PSEN1: variants seen among roughly 807,000 people sequenced by gnomAD.
The protein encoded by PSEN1 is presenilin 1.
In PSEN1, 15 loss-of-function variants were observed where a neutral mutation model predicts 53.5. The ratio of observed to expected loss-of-function variants is 0.28; its 90% confidence interval spans 0.19 to 0.43. PSEN1 has a LOEUF of 0.43. PSEN1 is among the 20% of genes least tolerant of loss of function. The pLI is 1.00. For missense variants in PSEN1, 387 were observed against 571.2 expected (o/e 0.68, Z 3.29); for synonymous variants, 208 against 209.8 (o/e 0.99, Z 0.08).
chr14:73,148,652 G>A (rs1398058281), intron 3 of PSEN1, among the ~76,000 whole-genome samples: 1 of 152,210 alleles, frequency 6.6e-6, no homozygotes, highest in Non-Finnish European at 1.5e-5. Flanking sequence ...GAGAGCAGAG[G>A]CCAGGCACGG....
chr14:73,170,743 C>G (rs1897860616), intron 3 of PSEN1, 54 bp from the exon 4 acceptor site: 1 of 1,601,206 alleles, frequency 6.2e-7, no homozygotes, highest in Non-Finnish European at 8.5e-7. Context: ...CTAACCGTTA[C>G]CTTGATTCTG....
intron 3 of PSEN1, among the ~76,000 whole-genome samples, chr14:73,167,402 G>GT (rs1344428811): frequency 6.6e-6 from 1 of 152,154 alleles, no homozygotes; most frequent in Admixed American, 6.6e-5. Flanking sequence ...TGTTCAACCT[G>GT]TAAGTATAAT....
intron 7 of PSEN1, 175 bp from the exon 8 acceptor site, chr14:73,197,856 T>TCCCC: frequency 1.7e-6 from 1 of 603,050 alleles, no homozygotes. Flanking sequence ...TTATGTTGTC[T>TCCCC]CCCCCACCCC....
intron 1 of PSEN1, chr14:73,138,152 G>A (rs1896800990): frequency 6.6e-6 from 1 of 151,202 alleles, no homozygotes; most frequent in Admixed American, 6.6e-5. Flanking sequence ...AGAACCACAA[G>A]GTGATTATCC....
intron 11 of PSEN1, 71 bp downstream of exon 11, chr14:73,217,315 G>A (rs1899958814): frequency 6.3e-7 from 1 of 1,578,922 alleles, no homozygotes; most frequent in African/African-American, 1.3e-5. Flanking sequence ...TCCCTTTAAG[G>A]CAGTTCTGTT....
At chr14:73,183,042 A>T (rs544213758) in intron 5 of PSEN1, among the ~76,000 whole-genome samples, 58 of 152,256 alleles carry the variant, frequency 3.8e-4, no homozygotes, top group Admixed American at 1.3e-4. Flanking sequence ...GCCAAGACAG[A>T]CAAGTTTTAA....
intron 8 of PSEN1, among the ~76,000 whole-genome samples, chr14:73,199,876 G>T (rs1899108213): frequency 6.6e-6 from 1 of 152,148 alleles, no homozygotes; most frequent in Non-Finnish European, 1.5e-5. Flanking sequence ...CTCCGGAGTG[G>T]CTGGGATTAC....
At chr14:73,136,976 C>T (rs200863524) in intron 1 of PSEN1, 1 of 156,074 alleles carries the variant, frequency 6.4e-6, no homozygotes, top group African/African-American at 2.4e-5. Context: ...CGGGTGTGTC[C>T]TTGTCCAGGG....
intron 8 of PSEN1, among the ~76,000 whole-genome samples, chr14:73,205,324 A>C (rs988595835): frequency 2.0e-5 from 3 of 151,784 alleles, no homozygotes; most frequent in Non-Finnish European, 4.4e-5. Flanking sequence ...AAAAAAATAC[A>C]AAAAATTAGC....
intron 4 of PSEN1, 64 bp from the exon 5 acceptor site, chr14:73,173,502 T>TG: frequency 6.7e-7 from 1 of 1,489,750 alleles, no homozygotes; most frequent in Non-Finnish European, 9.4e-7. Flanking sequence ...GTGTTGGAGG[T>TG]GGTAATGTGG....
At chr14:73,215,885 T>G (rs1594757506) in intron 10 of PSEN1, among the ~76,000 whole-genome samples, 1 of 152,324 alleles carries the variant, frequency 6.6e-6, no homozygotes, top group East Asian at 1.9e-4. Context: ...GGAATGTGAT[T>G]TGGCAGTTTA....
intron 8 of PSEN1, among the ~76,000 whole-genome samples, chr14:73,200,245 T>C (rs1440381822): frequency 6.6e-6 from 1 of 152,232 alleles, no homozygotes; most frequent in Admixed American, 6.5e-5. Context: ...TGGCTTGGTA[T>C]AATCTTTTTC....
At chr14:73,184,784 G>T (rs1898418564) in intron 5 of PSEN1, among the ~76,000 whole-genome samples, 1 of 151,442 alleles carries the variant, frequency 6.6e-6, no homozygotes, top group Non-Finnish European at 1.5e-5. Context: ...TGGCTGCCGG[G>T]CGGAGACGCT....
intron 6 of PSEN1, among the ~76,000 whole-genome samples, chr14:73,189,014 C>T (rs1004547942): frequency 6.6e-6 from 1 of 152,062 alleles, no homozygotes; most frequent in African/African-American, 2.4e-5. Context: ...TGTTCTCAAA[C>T]TCTTGACCTC....
intron 6 of PSEN1, 81 bp from the exon 7 acceptor site, chr14:73,192,563 T>G (rs1347013304): frequency 3.1e-6 from 3 of 967,906 alleles, no homozygotes; most frequent in Admixed American, 3.5e-5. Context: ...ATCTAATGTT[T>G]GGGAGCCATC....
At position 73,221,477 on chromosome 14, in the gene PSEN1, TATGTATTACTG is replaced by T. The variant is rs796521224; in HGVS notation, c.*2191_*2201del. On this transcript the variant is annotated 3_prime_UTR_variant, in exon 12 of 12. Transcript: ENST00000324501. ...GGGGTGTGTGTATTTAAATCCATCC[TATGTATTACTG>T]ATTGTCCTGTGTAGAAAGATGGCAA... The T allele has an allele frequency of 2.8e-4, 43 of 152,358 alleles. 1 individual carries two copies. The highest frequency in any genetic ancestry group is 9.9e-4 in the African/African-American group (41 of 41,584). 9.4% of individuals were successfully genotyped at this position (152,358 alleles called of 1,614,324 possible).
intron 3 of PSEN1, among the ~76,000 whole-genome samples, chr14:73,151,895 T>TATA (rs1491464395): frequency 9.1e-5 from 1 of 10,960 alleles, no homozygotes; most frequent in African/African-American, 6.8e-4. Flanking sequence ...TATATATATA[T>TATA]TTTTTTTTTT....
At chr14:73,217,038 G>T in intron 10 of PSEN1, 88 bp from the exon 11 acceptor site, 1 of 1,339,844 alleles carries the variant, frequency 7.5e-7, no homozygotes. Context: ...ATTCATTGTG[G>T]GGTTGAGTAG....
intron 9 of PSEN1, among the ~76,000 whole-genome samples, chr14:73,210,598 G>A (rs911578801): frequency 1.3e-5 from 2 of 152,148 alleles, no homozygotes; most frequent in African/African-American, 2.4e-5. Context: ...GAGGGAGGGG[G>A]TAGAAAAGGG....
Sources: gnomAD v4.1 joint callset for allele counts (sites outside exome capture counted in the v4.1 genomes callset) on GRCh38, gnomAD v4.1.1 for gene constraint, MANE v1.5 for transcripts, NCBI Gene and HGNC (gene_info 2026-07-23, HGNC 2026-07-21) for gene names.